The following SSBP2 variants were observed in gnomAD, a reference collection of about 807,000 sequenced individuals.
SSBP2 encodes the protein single stranded DNA binding protein 2, also known as single-stranded DNA-binding protein 2.
Under a neutral mutation model 61.8 loss-of-function variants are expected in SSBP2, and 17 were observed. The observed-to-expected ratio is 0.28, with a 90% CI of 0.19 to 0.41. SSBP2 has a LOEUF of 0.41. Ranked by LOEUF, SSBP2 falls within the 10% of genes least tolerant of loss-of-function variation. The probability of loss-of-function intolerance (pLI) is 1.00; values close to 1 mark genes in which losing one functional copy is unlikely to be tolerated. For missense variants in SSBP2, 310 were observed against 458.7 expected, an observed-to-expected ratio of 0.68 and a Z score of 2.96; for synonymous variants, 139 against 141.3, an observed-to-expected ratio of 0.98 and a Z score of 0.12.
chr5:81,548,759 A>G (rs571507354), intron 4 of SSBP2, among the ~76,000 whole-genome samples: 1 of 152,168 alleles, frequency 6.6e-6, no homozygotes, highest in Non-Finnish European at 1.5e-5. Context: ...CGTCTCTACT[A>G]AAAATACAAA....
intron 4 of SSBP2, among the ~76,000 whole-genome samples, chr5:81,542,817 T>TTCTCTCTCTCTC (rs60252222): frequency 0.036 from 3,832 of 106,570 alleles, 146 homozygotes; most frequent in African/African-American, 0.047. Flanking sequence ...ATTTGACAGT[T>TTCTCTCTCTCTC]TCTCTCTCTC....
intron 1 of SSBP2, among the ~76,000 whole-genome samples, chr5:81,694,583 T>A (rs964939005): frequency 1.3e-5 from 2 of 152,166 alleles, no homozygotes; most frequent in African/African-American, 4.8e-5. Context: ...TTATTTCAAT[T>A]TTTAAAAAGC....
intron 3 of SSBP2, among the ~76,000 whole-genome samples, chr5:81,622,208 A>C (rs919689301): frequency 6.6e-6 from 1 of 151,968 alleles, no homozygotes; most frequent in Non-Finnish European, 1.5e-5. Context: ...CTGGGGGGGA[A>C]AAATTATGCT....
At chr5:81,437,239 A>G (rs1762730287) in intron 15 of SSBP2, among the ~76,000 whole-genome samples, 191 bp downstream of exon 15, 1 of 152,092 alleles carries the variant, frequency 6.6e-6, no homozygotes, top group African/African-American at 2.4e-5. Context: ...GAACATTCTT[A>G]AAAGACTTAT....
At chr5:81,694,384 C>T (rs2153837572) in intron 1 of SSBP2, among the ~76,000 whole-genome samples, 1 of 152,238 alleles carries the variant, frequency 6.6e-6, no homozygotes, top group East Asian at 1.9e-4. Flanking sequence ...CCCCCATTTA[C>T]CCTGTGATTA....
intron 16 of SSBP2, among the ~76,000 whole-genome samples, chr5:81,425,394 T>A (rs1057401726): frequency 2.0e-5 from 3 of 152,198 alleles, no homozygotes; most frequent in Non-Finnish European, 2.9e-5. Flanking sequence ...TTGGGGCTGA[T>A]GTGATTTCTT....
At position 81,701,486 on chromosome 5, in the gene SSBP2, G is replaced by A. The variant is rs151318065; in HGVS notation, c.62+49495C>T. Among the ~76,000 whole-genome samples the A allele has an allele frequency of 3.3e-3, 495 of 152,224 alleles. 1 individual carries two copies. The highest frequency in any genetic ancestry group is 4.5e-3 in the Non-Finnish European group (305 of 68,028). On this transcript the variant is annotated intron_variant, in intron 1 of 16. Coordinates refer to ENST00000320672, the MANE Select transcript of SSBP2 (RefSeq NM_012446.5). ...ATACCAACAGACTTGCTCTATGCAG[G>A]GTGGCCACAAACCTTCAATTTGTAA...
At chr5:81,692,868 A>G (rs1053745403) in intron 1 of SSBP2, among the ~76,000 whole-genome samples, 10 of 152,206 alleles carry the variant, frequency 6.6e-5, no homozygotes, top group Admixed American at 2.0e-4. Context: ...AAAATGGATT[A>G]CAGACTTAAA....
At chr5:81,712,742 G>GT (rs1173341718) in intron 1 of SSBP2, among the ~76,000 whole-genome samples, 2,389 of 114,870 alleles carry the variant, frequency 0.021, 78 homozygotes, top group African/African-American at 0.071. Flanking sequence ...TTTTTTTTTT[G>GT]TTTTTTTTGA....
chr5:81,685,740 G>C (rs1237641655), intron 1 of SSBP2, among the ~76,000 whole-genome samples: 1 of 151,998 alleles, frequency 6.6e-6, no homozygotes, highest in Admixed American at 6.6e-5. Flanking sequence ...CAACAGATGG[G>C]GTTCTAGATA....
chr5:81,602,896 G>T (rs566070210), intron 4 of SSBP2, among the ~76,000 whole-genome samples: 2 of 151,826 alleles, frequency 1.3e-5, no homozygotes, highest in Non-Finnish European at 1.5e-5. Context: ...TCTTACTTCC[G>T]TATCAAATAA....
chr5:81,469,072 T>C (rs1046815838), intron 8 of SSBP2, among the ~76,000 whole-genome samples: 3 of 151,992 alleles, frequency 2.0e-5, no homozygotes, highest in African/African-American at 7.2e-5. Flanking sequence ...TCATTTTTGA[T>C]CTTAGAAGAT....
intron 2 of SSBP2, among the ~76,000 whole-genome samples, chr5:81,644,394 G>A (rs570142864): frequency 6.6e-6 from 1 of 152,242 alleles, no homozygotes; most frequent in South Asian, 2.1e-4. Context: ...AGTTGCTCAT[G>A]GTCTCTTAGG....
rs186545019 is a variant in SSBP2, at chr5:81,415,612, A to T, written c.*4892T>A. On this transcript the variant is annotated 3_prime_UTR_variant, in exon 17 of 17. Coordinates refer to ENST00000320672, the MANE Select transcript of SSBP2 (RefSeq NM_012446.5). ...GCCAACTCTATTGTACAGAAGACATAAAAAAAAAGGAAAACCTGGGCCAGG... is the reference window on the plus strand; with the variant it reads ...GCCAACTCTATTGTACAGAAGACATTAAAAAAAAGGAAAACCTGGGCCAGG... 0.025 allele frequency: 3,692 copies of T among 145,174 alleles called. 64 individuals carry two copies. The highest frequency in any genetic ancestry group is 0.091 in the South Asian group (425 of 4,660). 9.0% of individuals were successfully genotyped at this position (145,174 alleles called of 1,614,324 possible).
intron 10 of SSBP2, 139 bp from the exon 11 acceptor site, chr5:81,448,964 C>T: frequency 1.5e-6 from 1 of 653,118 alleles, no homozygotes; most frequent in Non-Finnish European, 2.6e-6. Flanking sequence ...AAATTTGTAT[C>T]TGTTTAAGTA....
chr5:81,498,905 G>T (rs562719550), intron 5 of SSBP2, among the ~76,000 whole-genome samples: 1 of 152,028 alleles, frequency 6.6e-6, no homozygotes, highest in Non-Finnish European at 1.5e-5. Flanking sequence ...AATTCCATGA[G>T]ATACTTCATA....
Position 81,415,922 on chromosome 5 carries a change from A to AAAAAAAGAAAAAAAAAAAGAAAAG in SSBP2, c.*4581_*4582insCTTTTCTTTTTTTTTTTCTTTTTT, listed in dbSNP as rs1554059160. On this transcript the variant is annotated 3_prime_UTR_variant, in exon 17 of 17. Transcript: ENST00000320672. Reference sequence around the variant, plus strand: ...GCAAGATTCTGACTCAAAAAAAAAAAAAAAAAAGAGGAAAACCTGATCAAG... The same window carrying AAAAAAAGAAAAAAAAAAAGAAAAG: ...GCAAGATTCTGACTCAAAAAAAAAAAAAAAAAGAAAAAAAAAAAGAAAAGAAAAAAAGAGGAAAACCTGATCAAG... The AAAAAAAGAAAAAAAAAAAGAAAAG allele has an allele frequency of 1.4e-5, 1 of 73,744 alleles. No individual in the cohort carries two copies. Among genetic ancestry groups the AAAAAAAGAAAAAAAAAAAGAAAAG allele is most frequent in the Non-Finnish European group, 2.3e-5 (1 of 43,590 alleles). The allele number at this position is 73,744 out of a possible 1,614,324, so 4.6% of individuals were successfully genotyped here. A position where few individuals can be genotyped will look rare whatever the true frequency, so the allele number is the denominator to read the frequency against.
chr5:81,536,060 C>A (rs1770777208), intron 4 of SSBP2, among the ~76,000 whole-genome samples: 1 of 151,708 alleles, frequency 6.6e-6, no homozygotes, highest in Non-Finnish European at 1.5e-5. Flanking sequence ...AATAAACAGC[C>A]CAATAAAAAT....
At chr5:81,559,950 C>A (rs1329607679) in intron 4 of SSBP2, among the ~76,000 whole-genome samples, 1 of 151,998 alleles carries the variant, frequency 6.6e-6, no homozygotes, top group Non-Finnish European at 1.5e-5. Flanking sequence ...ACTTATTAAG[C>A]AAAACTATAC....
Sources: allele counts gnomAD v4.1 joint callset (sites outside exome capture counted in the v4.1 genomes callset), GRCh38; gene constraint gnomAD v4.1.1; transcripts MANE v1.5; gene names NCBI Gene and HGNC (gene_info 2026-07-23, HGNC 2026-07-21).